TBC1D7: variants seen among roughly 807,000 people sequenced by gnomAD.
TBC1D7 encodes the protein TBC1 domain family member 7.
TBC1D7 carries 33 observed loss-of-function variants against 35.3 expected under a neutral mutation model. That is an observed-to-expected ratio of 0.93 (90% CI 0.71 to 1.25). The LOEUF is 1.25. Among genes scored for constraint, TBC1D7 ranks in the 50% most tolerant of loss-of-function variants. The pLI, the probability that TBC1D7 is intolerant of heterozygous loss-of-function variation, is 0.00. For synonymous variants in TBC1D7, 135 were observed against 129.5 expected (o/e 1.04, Z -0.29); for missense variants, 362 against 365.3 (o/e 0.99, Z 0.07).
At chr6:13,321,390 A>G (rs951434789) in intron 3 of TBC1D7, among the ~76,000 whole-genome samples, 3 of 152,228 alleles carry the variant, frequency 2.0e-5, no homozygotes, top group African/African-American at 7.2e-5. Context: ...TAGCAACCAC[A>G]TCAATCCTAA....
chr6:13,321,103 G>T lies in TBC1D7; in HGVS notation c.194-8C>A. 6.3e-7 allele frequency: 1 copy of T among 1,599,434 alleles called. No individual in the cohort carries two copies. The highest frequency in any genetic ancestry group is 1.7e-5 in the Admixed American group (1 of 57,986). On this transcript the variant is annotated splice_polypyrimidine_tract_variant and splice_region_variant and intron_variant, in intron 3 of 7. Coordinates refer to ENST00000379300, the MANE Select transcript of TBC1D7 (RefSeq NM_016495.6). Reference sequence around the variant, plus strand: ...GGTGTGGAGGCAAGATTCCTAGAGAGAACAGGAAAAACGAAAAAAGGACAA... The same window carrying T: ...GGTGTGGAGGCAAGATTCCTAGAGATAACAGGAAAAACGAAAAAAGGACAA...
At position 13,316,654 on chromosome 6, in the gene TBC1D7, C is replaced by G. The variant is rs200512534; in HGVS notation, c.436G>C (p.Glu146Gln). ...AIAKAMEEMV[E>Q]DSVDCYWITR... ...ATCCAGTAACAGTCGACACTATCTT[C>G]CACCATTTCCTCCATGGCTTTAGCT... Residue 146 changes from glutamate to glutamine, a missense_variant, in exon 5 of 8, where the codon GAA (glutamate) becomes CAA (glutamine). Physicochemically the swap from Glu to Gln is conservative, Grantham distance 29. Transcript: ENST00000379300. The G allele has an allele frequency of 1.2e-6, 2 of 1,614,084 alleles. No homozygotes were observed. The highest frequency in any genetic ancestry group is 4.5e-5 in the East Asian group (2 of 44,890).
Position 13,307,657 on chromosome 6 carries a change from T to G in TBC1D7, c.608A>C (p.Tyr203Ser), listed in dbSNP as rs773178276. 23 of 1,614,042 alleles carry G rather than the reference T, an allele frequency of 1.4e-5. No homozygotes were observed. The highest frequency in any genetic ancestry group is 1.9e-5 in the Non-Finnish European group (22 of 1,180,022). ...AAAGCACCTCTTGAACCAGAGATCATAAGGAAGTTTGGGCGCCGCGGAACA... is the reference window on the plus strand; with the variant it reads ...AAAGCACCTCTTGAACCAGAGATCAGAAGGAAGTTTGGGCGCCGCGGAACA... The part of the protein sequence containing the change: ...RMCSAAPKLP[Y>S]DLWFKRCFAG... Residue 203 changes from tyrosine (Y) to serine (S), a missense_variant, in exon 6 of 8, where the codon TAT (tyrosine) becomes TCT (serine). Coordinates refer to ENST00000379300, the MANE Select transcript of TBC1D7 (RefSeq NM_016495.6).
intron 5 of TBC1D7, among the ~76,000 whole-genome samples, chr6:13,316,037 G>A (rs1584547358): frequency 6.6e-6 from 1 of 152,320 alleles, no homozygotes; most frequent in East Asian, 1.9e-4. Flanking sequence ...GCTGGTCCAA[G>A]AGCAACCTTG....
intron 5 of TBC1D7, among the ~76,000 whole-genome samples, chr6:13,314,184 G>A (rs1450294034): frequency 8.1e-5 from 12 of 148,224 alleles, no homozygotes; most frequent in Non-Finnish European, 1.5e-4. Context: ...CCGCCTTGGC[G>A]ACCAAGCGAG....
intron 5 of TBC1D7, among the ~76,000 whole-genome samples, chr6:13,310,573 G>C (rs1005450202): frequency 6.6e-6 from 1 of 150,682 alleles, no homozygotes; most frequent in Non-Finnish European, 1.5e-5. Flanking sequence ...GGGAGGCAGA[G>C]GTTGCAGTGA....
chr6:13,316,114 C>A (rs1783590884), intron 5 of TBC1D7, among the ~76,000 whole-genome samples: 1 of 152,268 alleles, frequency 6.6e-6, no homozygotes, highest in South Asian at 2.1e-4. Flanking sequence ...GCAACCCTCT[C>A]CATACTGTGG....
intron 1 of TBC1D7, 105 bp from the exon 2 acceptor site, chr6:13,327,011 C>CTA: frequency 1.5e-6 from 1 of 649,900 alleles, no homozygotes; most frequent in South Asian, 2.0e-5. Context: ...TGATGTTCTC[C>CTA]ACCTTTTCAA....
At chr6:13,325,403 C>T (rs1300250734) in intron 2 of TBC1D7, among the ~76,000 whole-genome samples, 2 of 152,200 alleles carry the variant, frequency 1.3e-5, no homozygotes, top group Non-Finnish European at 2.9e-5. Flanking sequence ...TGGCTCATGC[C>T]TGTAATCCCA....
At chr6:13,312,083 TACTA>T (rs143204398) in intron 5 of TBC1D7, among the ~76,000 whole-genome samples, 2,722 of 152,312 alleles carry the variant, frequency 0.018, 85 homozygotes, top group African/African-American at 0.062. Flanking sequence ...TTCTACTGCT[TACTA>T]ACTGAGACCT....
intron 4 of TBC1D7, chr6:13,319,824 T>C (rs1424857490): frequency 6.6e-6 from 1 of 152,200 alleles, no homozygotes; most frequent in Non-Finnish European, 1.5e-5. Context: ...TAATAAGGAA[T>C]AGGATGTTTA....
In TBC1D7 at chr6:13,305,094, G is replaced by A. The variant is rs762632880; in HGVS notation, c.*7C>T. ...CCTGGCAGACGGTCCACAACCAGCG[G>A]GTGCGTTCAGCTTGAATGGACCGGG... is the stretch of plus-strand genomic sequence containing the variant. On this transcript the variant is annotated 3_prime_UTR_variant, in exon 8 of 8. Transcript: ENST00000379300. The A allele has an allele frequency of 1.1e-5, 18 of 1,605,486 alleles. No individual in the cohort carries two copies. In the South Asian group the frequency reaches 2.0e-4, roughly 18 times the overall value.
At chr6:13,318,820 T>C (rs1261011051) in intron 4 of TBC1D7, 1 of 152,184 alleles carries the variant, frequency 6.6e-6, no homozygotes, top group African/African-American at 2.4e-5. Flanking sequence ...GCAGAAAGAA[T>C]GAAGGAGTTA....
At chr6:13,324,194 C>T (rs1380068347) in intron 3 of TBC1D7, among the ~76,000 whole-genome samples, 6 of 151,568 alleles carry the variant, frequency 4.0e-5, no homozygotes, top group African/African-American at 1.5e-4. Context: ...GTGGTGCCAT[C>T]TCGTCTCACT....
intron 6 of TBC1D7, chr6:13,306,882 A>G (rs1782843066): frequency 6.3e-6 from 1 of 159,704 alleles, no homozygotes; most frequent in Non-Finnish European, 1.4e-5. Flanking sequence ...TGCTAATATA[A>G]TTATAGCCTA....
intron 4 of TBC1D7, among the ~76,000 whole-genome samples, chr6:13,317,886 C>G (rs987429045): frequency 9.2e-5 from 14 of 152,262 alleles, no homozygotes; most frequent in Non-Finnish European, 2.1e-4. Context: ...GTTCAAATAT[C>G]TGTCCCCTCC....
chr6:13,317,085 T>C (rs1783687016), intron 4 of TBC1D7, among the ~76,000 whole-genome samples: 1 of 152,196 alleles, frequency 6.6e-6, no homozygotes, highest in Admixed American at 6.5e-5. Flanking sequence ...GCACCATCAG[T>C]AACTGGAGAC....
intron 4 of TBC1D7, chr6:13,318,581 T>C (rs1047945939): frequency 2.6e-5 from 4 of 152,232 alleles, no homozygotes; most frequent in African/African-American, 9.6e-5. Context: ...GTAAGAAATA[T>C]AAATGATCTT....
chr6:13,327,958 C>T (rs1352002592), intron 1 of TBC1D7: 2 of 152,154 alleles, frequency 1.3e-5, no homozygotes, highest in African/African-American at 2.4e-5. Context: ...CCGATTCAGT[C>T]ACAGGAAAGA....
Sources: allele counts gnomAD v4.1 joint callset (sites outside exome capture counted in the v4.1 genomes callset), GRCh38; gene constraint gnomAD v4.1.1; transcripts MANE v1.5; gene names NCBI Gene and HGNC (gene_info 2026-07-23, HGNC 2026-07-21).